The following TGFBR1 variants were observed in gnomAD, a reference collection of about 807,000 sequenced individuals.
The protein encoded by TGFBR1 is transforming growth factor beta receptor 1.
Under a neutral mutation model 55.1 loss-of-function variants are expected in TGFBR1, and 20 were observed. That is an observed-to-expected ratio of 0.36 (90% CI 0.26 to 0.53). The LOEUF is 0.53. Among genes scored for constraint, TGFBR1 ranks in the 20% least tolerant of loss-of-function variants. TGFBR1 has a pLI of 0.91. For missense variants in TGFBR1, 385 were observed against 617.6 expected (o/e 0.62, Z 3.99); for synonymous variants, 220 against 214.8 (o/e 1.02, Z -0.21).
intron 6 of TGFBR1, 98 bp downstream of exon 6, chr9:99,144,986 T>A: frequency 7.2e-7 from 1 of 1,384,264 alleles, no homozygotes. Context: ...AGCTTAAACT[T>A]GCACTTTATT....
intron 4 of TGFBR1, among the ~76,000 whole-genome samples, chr9:99,138,644 A>C (rs987562763): frequency 6.6e-6 from 1 of 152,184 alleles, no homozygotes; most frequent in African/African-American, 2.4e-5. Flanking sequence ...TCTGCCTATC[A>C]TGCTGGTGCC....
rs41283640 is a variant in TGFBR1 at position 99,153,345 on chromosome 9, T to A, written c.*4040T>A. 133 of 217,468 alleles carry A rather than the reference T, an allele frequency of 6.1e-4. 1 individual carries two copies. The highest frequency in any genetic ancestry group is 8.9e-4 in the Non-Finnish European group (96 of 107,722). 13.5% of individuals were successfully genotyped at this position (217,468 alleles called of 1,614,324 possible). Reference sequence around the variant, plus strand: ...ACCCCAAATAACATCGTCTGTACTTTCTGTTTTCTGTATTGTATTTGTGCA... The same window carrying A: ...ACCCCAAATAACATCGTCTGTACTTACTGTTTTCTGTATTGTATTTGTGCA... On this transcript the variant is annotated 3_prime_UTR_variant, in exon 9 of 9. Transcript: ENST00000374994.
intron 1 of TGFBR1, among the ~76,000 whole-genome samples, chr9:99,115,358 G>C (rs1261944227): frequency 1.3e-5 from 2 of 151,974 alleles, no homozygotes; most frequent in Non-Finnish European, 2.9e-5. Flanking sequence ...TATATTTATA[G>C]TTCTAGGACA....
chr9:99,123,691 A>G (rs889238974), intron 1 of TGFBR1, among the ~76,000 whole-genome samples: 1 of 152,154 alleles, frequency 6.6e-6, no homozygotes, highest in African/African-American at 2.4e-5. Context: ...TGGTTTCTAC[A>G]TTAATAAAAT....
chr9:99,114,045 A>G (rs1421206383), intron 1 of TGFBR1, among the ~76,000 whole-genome samples: 2 of 152,348 alleles, frequency 1.3e-5, no homozygotes, highest in Non-Finnish European at 2.9e-5. Flanking sequence ...TTAGCCAAAT[A>G]TAGTCTAAAT....
Position 99,149,591 on chromosome 9 carries a change from G to A in TGFBR1, c.*286G>A, listed in dbSNP as rs1229518286. 7.2e-6 allele frequency: 3 copies of A among 417,252 alleles called. No homozygotes were observed. The highest frequency in any genetic ancestry group is 8.2e-5 in the East Asian group (2 of 24,316). 25.8% of individuals were successfully genotyped at this position (417,252 alleles called of 1,614,324 possible). On this transcript the variant is annotated 3_prime_UTR_variant, in exon 9 of 9. Transcript: ENST00000374994. ...CTTGTTTTTTAAAAAGATGATTGCT[G>A]GTCTTAACTTTAGGTAACTCTGCTG... is the stretch of plus-strand genomic sequence containing the variant.
chr9:99,115,676 T>C (rs1379224009), intron 1 of TGFBR1, among the ~76,000 whole-genome samples: 1 of 152,202 alleles, frequency 6.6e-6, no homozygotes, highest in Non-Finnish European at 1.5e-5. Flanking sequence ...TTGGGTCTCT[T>C]TGTTCAGCAC....
At chr9:99,134,059 A>G (rs1827345237) in intron 3 of TGFBR1, among the ~76,000 whole-genome samples, 1 of 152,112 alleles carries the variant, frequency 6.6e-6, no homozygotes, top group South Asian at 2.1e-4. Context: ...AAGGAATGTT[A>G]AAGCAGAAGT....
intron 4 of TGFBR1, among the ~76,000 whole-genome samples, chr9:99,138,669 A>G (rs1407263330): frequency 6.6e-6 from 1 of 152,212 alleles, no homozygotes; most frequent in Non-Finnish European, 1.5e-5. Context: ...GCCCAGTGTC[A>G]GGTCAGATGC....
Position 99,152,919 on chromosome 9 carries a change from T to A in TGFBR1, c.*3614T>A, listed in dbSNP as rs199726281. On this transcript the variant is annotated 3_prime_UTR_variant, in exon 9 of 9. Transcript: ENST00000374994. Reference sequence around the variant, plus strand: ...ATTGTCAGTACATTAAACTTTTCAATCCCATTATGCAATCTTGTTTGTAAA... The same window carrying A: ...ATTGTCAGTACATTAAACTTTTCAAACCCATTATGCAATCTTGTTTGTAAA... 4 of 230,646 alleles carry A rather than the reference T, an allele frequency of 1.7e-5. No homozygotes were observed. Among genetic ancestry groups the A allele is most frequent in the Non-Finnish European group, 3.4e-5 (4 of 116,130 alleles). The allele number at this position is 230,646 out of a possible 1,614,324, so 14.3% of individuals were successfully genotyped here.
chr9:99,124,525 G>A (rs997382800), intron 1 of TGFBR1, among the ~76,000 whole-genome samples: 1 of 150,616 alleles, frequency 6.6e-6, no homozygotes, highest in Admixed American at 6.6e-5. Context: ...ATAAAAGGTT[G>A]GGGGGGGCAG....
chr9:99,151,715 C>T lies in TGFBR1; in HGVS notation c.*2410C>T, dbSNP rs200722893. On this transcript the variant is annotated 3_prime_UTR_variant, in exon 9 of 9. Transcript: ENST00000374994. ...GGAGTTTAGTTCTAAATTGACTTTACGTATTACTGCAGTTAATTCCTTTTT... is the reference window on the plus strand; with the variant it reads ...GGAGTTTAGTTCTAAATTGACTTTATGTATTACTGCAGTTAATTCCTTTTT... 40 of 222,162 alleles carry T rather than the reference C, an allele frequency of 1.8e-4. No individual in the cohort carries two copies. The highest frequency in any genetic ancestry group is 2.8e-4 in the Non-Finnish European group (31 of 110,952). 13.8% of individuals were successfully genotyped at this position (222,162 alleles called of 1,614,324 possible).
intron 3 of TGFBR1, among the ~76,000 whole-genome samples, chr9:99,134,578 G>A (rs983153200): frequency 6.6e-6 from 1 of 151,754 alleles, no homozygotes; most frequent in African/African-American, 2.4e-5. Context: ...CAGAAAATCA[G>A]GATGGCTACA....
chr9:99,138,159 C>G (rs1403600911), intron 4 of TGFBR1, 70 bp downstream of exon 4: 3 of 1,349,484 alleles, frequency 2.2e-6, no homozygotes, highest in Admixed American at 3.4e-5. Context: ...GATATGGTGA[C>G]TAACCATCAT....
rs1340402586 is a variant in TGFBR1, at chr9:99,151,519, C to A, written c.*2214C>A. ...TTTTTATATAATTTTAAGAATATAC[C>A]AAAAGTTGTCTGATTTAAAGTTGTA... On this transcript the variant is annotated 3_prime_UTR_variant, in exon 9 of 9. Coordinates refer to ENST00000374994, the MANE Select transcript of TGFBR1 (RefSeq NM_004612.4). 1 of 226,130 alleles carries A rather than the reference C, an allele frequency of 4.4e-6. No homozygotes were observed. Among genetic ancestry groups the A allele is most frequent in the South Asian group, 1.8e-4 (1 of 5,454 alleles). The allele number at this position is 226,130 out of a possible 1,614,324, so 14.0% of individuals were successfully genotyped here.
intron 1 of TGFBR1, among the ~76,000 whole-genome samples, chr9:99,106,591 C>T (rs544571068): frequency 7.9e-4 from 121 of 152,224 alleles, no homozygotes; most frequent in Non-Finnish European, 1.5e-3. Flanking sequence ...TGGCATTTGC[C>T]CCACTTTACA....
chr9:99,124,840 T>G (rs1826992663), intron 1 of TGFBR1, among the ~76,000 whole-genome samples: 1 of 152,128 alleles, frequency 6.6e-6, no homozygotes, highest in Non-Finnish European at 1.5e-5. Flanking sequence ...CCTTTAGTAC[T>G]GACTTTTTCA....
In TGFBR1 at chr9:99,129,038, C is replaced by T. The variant is rs1318691450; in HGVS notation, c.281C>T (p.Ser94Phe). The change falls in exon 2 of 9, where the codon TCT becomes TTT. Residue 94 changes from serine to phenylalanine, a missense_variant. This residue lies in a region of TGFBR1 where 146 missense variants were observed against 167.7 expected (regional missense o/e 0.87). Transcript: ENST00000374994. ...FVCAPSSKTG[S>F]VTTTYCCNQD... is the part of the protein sequence containing the mutation. ...TGTGCACCCTCTTCAAAAACTGGGT[C>T]TGTGACTACAACATATTGCTGCAAT... 1.2e-6 allele frequency: 2 copies of T among 1,613,842 alleles called. No homozygotes were observed. Among genetic ancestry groups the T allele is most frequent in the Non-Finnish European group, 1.7e-6 (2 of 1,179,944 alleles).
At chr9:99,132,279 A>T (rs1384330781) in intron 2 of TGFBR1, among the ~76,000 whole-genome samples, 8 of 152,298 alleles carry the variant, frequency 5.3e-5, no homozygotes, top group Admixed American at 4.6e-4. Flanking sequence ...TGAAGAATAC[A>T]GGAGTAAGTG....
Sources: allele counts gnomAD v4.1 joint callset (sites outside exome capture counted in the v4.1 genomes callset), GRCh38; gene constraint gnomAD v4.1.1; regional missense constraint gnomAD v4.1.1; transcripts MANE v1.5; gene names NCBI Gene and HGNC (gene_info 2026-07-23, HGNC 2026-07-21).